Variants in THSD7A observed in about 807,000 individuals in gnomAD.
The protein encoded by THSD7A is thrombospondin type-1 domain-containing protein 7A.
THSD7A carries 96 observed loss-of-function variants against 231.3 expected under a neutral mutation model. The ratio of observed to expected loss-of-function variants is 0.41; its 90% CI spans 0.35 to 0.49. The LOEUF (loss-of-function observed/expected upper bound fraction) is 0.49. THSD7A is among the 20% of genes least tolerant of loss of function. The probability of loss-of-function intolerance (pLI) is 0.05; values close to 1 mark genes in which losing one functional copy is unlikely to be tolerated. For missense variants in THSD7A, 2,290 were observed against 2,070.2 expected, an observed-to-expected ratio of 1.11 and a Z score of -2.06; for synonymous variants, 940 against 743.3, an observed-to-expected ratio of 1.26 and a Z score of -4.30.
chr7:11,376,922 G>C (rs1782298450), intron 26 of THSD7A: 3 of 289,238 alleles, frequency 1.0e-5, no homozygotes, highest in African/African-American at 4.3e-5. Flanking sequence ...CTAAACTTCA[G>C]CTGCCTTTCA....
chr7:11,484,929 T>C (rs969865812), intron 6 of THSD7A, among the ~76,000 whole-genome samples: 5 of 129,258 alleles, frequency 3.9e-5, no homozygotes, highest in Non-Finnish European at 7.9e-5. Flanking sequence ...CTCACTCTGT[T>C]GCCCAGGCTG....
At chr7:11,671,757 A>G (rs1202073490) in intron 1 of THSD7A, among the ~76,000 whole-genome samples, 1 of 152,196 alleles carries the variant, frequency 6.6e-6, no homozygotes, top group Non-Finnish European at 1.5e-5. Context: ...AACACAATAT[A>G]TACATTTCCT....
chr7:11,732,215 A>T (rs938433501), intron 1 of THSD7A, among the ~76,000 whole-genome samples: 1 of 151,876 alleles, frequency 6.6e-6, no homozygotes, highest in South Asian at 2.1e-4. Context: ...TTAATAGAAG[A>T]TCCACACAAC....
intron 6 of THSD7A, among the ~76,000 whole-genome samples, chr7:11,526,227 T>C (rs745579748): frequency 6.6e-6 from 1 of 152,210 alleles, no homozygotes; most frequent in Non-Finnish European, 1.5e-5. Flanking sequence ...TTCAGTAACA[T>C]GCCCAACTAT....
chr7:11,539,774 T>C (rs76495086), intron 6 of THSD7A, among the ~76,000 whole-genome samples: 3,374 of 152,310 alleles, frequency 0.022, 111 homozygotes, highest in African/African-American at 0.077. Flanking sequence ...TAAATCTGAT[T>C]TTTTCATTGC....
At chr7:11,716,378 A>C (rs1781137985) in intron 1 of THSD7A, among the ~76,000 whole-genome samples, 2 of 151,592 alleles carry the variant, frequency 1.3e-5, no homozygotes, top group African/African-American at 4.8e-5. Context: ...GGAAATTACA[A>C]TGTAGGGATT....
At chr7:11,706,110 G>C (rs1167816712) in intron 1 of THSD7A, among the ~76,000 whole-genome samples, 8 of 150,906 alleles carry the variant, frequency 5.3e-5, no homozygotes, top group African/African-American at 1.9e-4. Context: ...ATTTATTCCA[G>C]AAAGTTTGCT....
intron 2 of THSD7A, among the ~76,000 whole-genome samples, chr7:11,599,170 T>G (rs1004224215): frequency 2.6e-5 from 4 of 152,132 alleles, no homozygotes. Context: ...GGAGATCAAT[T>G]AGGGCGTCTC....
intron 1 of THSD7A, among the ~76,000 whole-genome samples, chr7:11,743,662 G>A (rs1474156013): frequency 6.6e-6 from 1 of 151,240 alleles, no homozygotes; most frequent in Non-Finnish European, 1.5e-5. Context: ...GGAAAGTGAT[G>A]TGAACACATA....
intron 2 of THSD7A, among the ~76,000 whole-genome samples, chr7:11,611,000 T>C (rs1053529531): frequency 1.3e-5 from 2 of 152,176 alleles, no homozygotes; most frequent in African/African-American, 4.8e-5. Context: ...AGATTCTCTA[T>C]TTAAATGCCT....
At chr7:11,523,351 C>T (rs1788344726) in intron 6 of THSD7A, among the ~76,000 whole-genome samples, 1 of 152,024 alleles carries the variant, frequency 6.6e-6, no homozygotes, top group African/African-American at 2.4e-5. Context: ...AAAAATCATA[C>T]AACCCCATTT....
chr7:11,393,113 T>G (rs906846946), intron 23 of THSD7A, among the ~76,000 whole-genome samples: 2 of 151,976 alleles, frequency 1.3e-5, no homozygotes, highest in African/African-American at 4.8e-5. Flanking sequence ...TCAGCAGGGG[T>G]TGACAGATGC....
chr7:11,566,787 A>G lies in THSD7A; in HGVS notation c.1454-23670T>C, dbSNP rs897345534. 1.3e-5 allele frequency among the ~76,000 whole-genome samples: 2 copies of G among 152,142 alleles called. 1 individual carries two copies. The highest frequency in any genetic ancestry group is 1.3e-4 in the Admixed American group (2 of 15,276). ...CTTTTCTCAAGTTTACACTGCCTATATTCTTTTAAATAAAACTGCTTAGAA... is the reference window on the plus strand; with the variant it reads ...CTTTTCTCAAGTTTACACTGCCTATGTTCTTTTAAATAAAACTGCTTAGAA... On this transcript the variant is annotated intron_variant, in intron 4 of 27. Transcript: ENST00000423059.
chr7:11,501,372 A>C (rs1319580024), intron 6 of THSD7A, among the ~76,000 whole-genome samples: 1 of 152,232 alleles, frequency 6.6e-6, no homozygotes, highest in Non-Finnish European at 1.5e-5. Context: ...TTGACCACAT[A>C]ATTGGACATA....
intron 4 of THSD7A, among the ~76,000 whole-genome samples, chr7:11,560,363 G>A (rs929668962): frequency 5.3e-5 from 8 of 152,094 alleles, no homozygotes; most frequent in African/African-American, 1.9e-4. Flanking sequence ...CATGGTTCCT[G>A]TTTAACATGA....
At chr7:11,499,310 C>T (rs1787237183) in intron 6 of THSD7A, among the ~76,000 whole-genome samples, 1 of 152,196 alleles carries the variant, frequency 6.6e-6, no homozygotes, top group Non-Finnish European at 1.5e-5. Flanking sequence ...AGTTGACATG[C>T]ATCTCTCTGA....
At chr7:11,568,448 A>AC (rs1480011128) in intron 4 of THSD7A, among the ~76,000 whole-genome samples, 3 of 151,690 alleles carry the variant, frequency 2.0e-5, no homozygotes, top group Non-Finnish European at 4.4e-5. Context: ...ACATGGTGAA[A>AC]CCCCGTCTCT....
In THSD7A at chr7:11,428,964, G is replaced by T; in HGVS notation, c.3226C>A (p.Leu1076Met). ...PYNGGRPCPK[L>M]DHVNQAQVYE... ...GAAAATACCTGGTTGACATGGTCCA[G>T]TTTGGGGCAAGGCCTTCCTCCATTA... is the stretch of plus-strand genomic sequence containing the variant. The change falls in exon 14 of 28, where the codon CTG (leucine) becomes ATG (methionine). Residue 1076 changes from leucine (L) to methionine (M), a missense_variant. Physicochemically the swap from Leu to Met is conservative, Grantham distance 15. Transcript: ENST00000423059. The T allele has an allele frequency of 6.2e-7, 1 of 1,610,282 alleles. No individual in the cohort carries two copies. Among genetic ancestry groups the T allele is most frequent in the Non-Finnish European group, 8.5e-7 (1 of 1,178,408 alleles).
chr7:11,545,993 G>A (rs928265203), intron 4 of THSD7A, among the ~76,000 whole-genome samples: 6 of 152,050 alleles, frequency 3.9e-5, no homozygotes, highest in Non-Finnish European at 8.8e-5. Flanking sequence ...GTAACTGCCT[G>A]GCCTTGTACA....
Sources: allele counts gnomAD v4.1 joint callset (sites outside exome capture counted in the v4.1 genomes callset), GRCh38; gene constraint gnomAD v4.1.1; transcripts MANE v1.5; gene names NCBI Gene and HGNC (gene_info 2026-07-23, HGNC 2026-07-21).